The following ADAMTS18 variants were observed in gnomAD, a reference collection of about 807,000 sequenced individuals.
ADAMTS18 encodes the protein A disintegrin and metalloproteinase with thrombospondin motifs 18.
In ADAMTS18, 157 loss-of-function variants were observed where a neutral mutation model predicts 165.9. That is an observed-to-expected ratio of 0.95 (90% CI 0.83 to 1.08). The LOEUF is 1.08. Ranked by LOEUF, ADAMTS18 falls within the 50% of genes least tolerant of loss-of-function variation. The probability of loss-of-function intolerance (pLI) is 0.00; values close to 1 mark genes in which losing one functional copy is unlikely to be tolerated. For synonymous variants in ADAMTS18, 782 were observed against 578.2 expected, an observed-to-expected ratio of 1.35 and a Z score of -5.06; for missense variants, 2,040 against 1,534.0, an observed-to-expected ratio of 1.33 and a Z score of -5.51.
intron 3 of ADAMTS18, among the ~76,000 whole-genome samples, chr16:77,385,686 C>G (rs991998705): frequency 6.6e-6 from 1 of 152,170 alleles, no homozygotes; most frequent in East Asian, 1.9e-4. Flanking sequence ...AAGTACGCTA[C>G]GTGGCATCAA....
intron 22 of ADAMTS18, among the ~76,000 whole-genome samples, chr16:77,289,039 C>G (rs2055310646): frequency 6.6e-6 from 1 of 152,162 alleles, no homozygotes; most frequent in South Asian, 2.1e-4. Flanking sequence ...GAGCTGTGTA[C>G]TCCCACCTGC....
At chr16:77,300,004 T>G in intron 17 of ADAMTS18, 1 of 355,814 alleles carries the variant, frequency 2.8e-6, no homozygotes, top group Non-Finnish European at 5.2e-6. Context: ...CAATATATTT[T>G]ATATGTTTTT....
chr16:77,405,413 G>C (rs1184851805), intron 3 of ADAMTS18, among the ~76,000 whole-genome samples: 1 of 152,134 alleles, frequency 6.6e-6, no homozygotes, highest in Non-Finnish European at 1.5e-5. Flanking sequence ...GTAATGCTTT[G>C]AATGAGCAGA....
rs1390714428 is a variant in ADAMTS18, at chr16:77,294,436, G to GCT, written c.3006+486_3006+487insAG. ...GGGAATTCTGAGCTGTGAACGACAAGGTAGCTCTCTGTCCCTTCTAACTTT... is the reference window on the plus strand; with the variant it reads ...GGGAATTCTGAGCTGTGAACGACAAGCTGTAGCTCTCTGTCCCTTCTAACTTT... On this transcript the variant is annotated intron_variant, in intron 19 of 22. Transcript: ENST00000282849. Among the ~76,000 whole-genome samples, 372 of 152,272 alleles carry GCT rather than the reference G, an allele frequency of 2.4e-3. 1 individual carries two copies. The highest frequency in any genetic ancestry group is 8.6e-3 in the African/African-American group (358 of 41,560).
At position 77,355,674 on chromosome 16, in the gene ADAMTS18, G is replaced by C. The variant is rs2056618575; in HGVS notation, c.1460+266C>G. Among the ~76,000 whole-genome samples, 2 of 152,092 alleles carry C rather than the reference G, an allele frequency of 1.3e-5. 1 individual carries two copies. Among genetic ancestry groups the C allele is most frequent in the South Asian group, 4.1e-4 (2 of 4,826 alleles). On this transcript the variant is annotated intron_variant, in intron 9 of 22. Transcript: ENST00000282849. ...ATGCAACACAATTAACCTAAGACTT[G>C]ATTTCTCAACTCTAGATTGAGGATA...
chr16:77,431,812 C>T (rs899564217), intron 2 of ADAMTS18: 1 of 618,384 alleles, frequency 1.6e-6, no homozygotes, highest in Non-Finnish European at 2.9e-6. Flanking sequence ...GTCATTTCTA[C>T]AGGTGCCCGA....
At chr16:77,434,316 C>A (rs996612284) in intron 2 of ADAMTS18, 102 bp downstream of exon 2, 4 of 1,336,482 alleles carry the variant, frequency 3.0e-6, no homozygotes, top group Non-Finnish European at 4.1e-6. Flanking sequence ...CGCACACCTG[C>A]CAGGTTAGGG....
intron 16 of ADAMTS18, among the ~76,000 whole-genome samples, chr16:77,303,706 TA>T (rs1567466583): frequency 3.3e-5 from 5 of 152,100 alleles, no homozygotes; most frequent in Non-Finnish European, 1.5e-5. Context: ...ATTCATATAT[TA>T]AAAAAACACA....
At chr16:77,313,903 A>T (rs1359286286) in intron 16 of ADAMTS18, among the ~76,000 whole-genome samples, 1 of 152,232 alleles carries the variant, frequency 6.6e-6, no homozygotes, top group Non-Finnish European at 1.5e-5. Flanking sequence ...AAAAGGACTT[A>T]AAAAATCCAG....
At chr16:77,397,115 G>A (rs2057268420) in intron 3 of ADAMTS18, among the ~76,000 whole-genome samples, 1 of 152,000 alleles carries the variant, frequency 6.6e-6, no homozygotes, top group Non-Finnish European at 1.5e-5. Flanking sequence ...GGCCTGGATT[G>A]CTTTCTAGGA....
At chr16:77,323,675 A>G (rs1216651665) in intron 13 of ADAMTS18, among the ~76,000 whole-genome samples, 3 of 152,168 alleles carry the variant, frequency 2.0e-5, no homozygotes, top group Non-Finnish European at 4.4e-5. Flanking sequence ...CACATTTATG[A>G]AAAAGTCTTC....
At chr16:77,329,870 G>C (rs1307448072) in intron 12 of ADAMTS18, among the ~76,000 whole-genome samples, 2 of 152,104 alleles carry the variant, frequency 1.3e-5, no homozygotes, top group African/African-American at 2.4e-5. Flanking sequence ...CTAGGCACAT[G>C]ATTTTGTCCT....
chr16:77,358,093 TG>T (rs1489993522), intron 8 of ADAMTS18, among the ~76,000 whole-genome samples: 4 of 152,214 alleles, frequency 2.6e-5, no homozygotes, highest in Non-Finnish European at 5.9e-5. Context: ...TGAGAAGCAT[TG>T]TTCTTAGTGA....
rs1338473192 is a variant in ADAMTS18, at chr16:77,434,590, G to A, written c.90+16C>T. 6.5e-7 allele frequency: 1 copy of A among 1,527,370 alleles called. No individual in the cohort carries two copies. The highest frequency in any genetic ancestry group is 1.4e-5 in the African/African-American group (1 of 72,196). 94.6% of individuals were successfully genotyped at this position (1,527,370 alleles called of 1,614,324 possible). A position where few individuals can be genotyped will look rare whatever the true frequency, so the allele number is the denominator to read the frequency against. The stretch of plus-strand genomic sequence containing the variant: ...CCCTGCCACCCGCTCTCGGAGCTCC[G>A]CTCGGCGGCACCTGCCTTGGCCACG... On this transcript the variant is annotated intron_variant, in intron 1 of 22. Coordinates refer to ENST00000282849, the MANE Select transcript of ADAMTS18 (RefSeq NM_199355.4).
rs1382910968 is a variant in ADAMTS18 at position 77,282,864 on chromosome 16, G to C, written c.*1092C>G. 3.4e-5 allele frequency: 5 copies of C among 148,524 alleles called. No individual in the cohort carries two copies. The highest frequency in any genetic ancestry group is 2.2e-4 in the South Asian group (1 of 4,628). The allele number at this position is 148,524 out of a possible 1,614,324, so 9.2% of individuals were successfully genotyped here. A position where few individuals can be genotyped will look rare whatever the true frequency, so the allele number is the denominator to read the frequency against. On this transcript the variant is annotated 3_prime_UTR_variant, in exon 23 of 23. Coordinates refer to ENST00000282849, the MANE Select transcript of ADAMTS18 (RefSeq NM_199355.4). ...TTAATATTAACATAGCAAGAAGACA[G>C]ATGGATTTTTTTATTACCACTGTTT... is the stretch of plus-strand genomic sequence containing the variant.
chr16:77,286,470 G>A (rs1004868108), intron 22 of ADAMTS18, among the ~76,000 whole-genome samples: 2 of 152,102 alleles, frequency 1.3e-5, no homozygotes, highest in South Asian at 2.1e-4. Context: ...AAAGACATGT[G>A]TGAAAAATGG....
At chr16:77,300,919 C>T (rs2055570517) in intron 16 of ADAMTS18, among the ~76,000 whole-genome samples, 1 of 152,214 alleles carries the variant, frequency 6.6e-6, no homozygotes. Flanking sequence ...CACTCCAAAA[C>T]CCACAGAATA....
chr16:77,387,174 T>C (rs922359602), intron 3 of ADAMTS18, among the ~76,000 whole-genome samples: 25 of 152,226 alleles, frequency 1.6e-4, no homozygotes, highest in African/African-American at 5.5e-4. Context: ...GATTTCCAAC[T>C]TTTTCCTCCT....
chr16:77,363,595 T>C (rs548493747), intron 6 of ADAMTS18, among the ~76,000 whole-genome samples: 2 of 151,668 alleles, frequency 1.3e-5, no homozygotes, highest in African/African-American at 4.8e-5. Context: ...CATATATAAA[T>C]ATATTTAAAT....
Sources: allele counts gnomAD v4.1 joint callset (sites outside exome capture counted in the v4.1 genomes callset), GRCh38; gene constraint gnomAD v4.1.1; transcripts MANE v1.5; gene names NCBI Gene and HGNC (gene_info 2026-07-23, HGNC 2026-07-21).